The following SEC22B variants were observed in gnomAD, a reference collection of about 807,000 sequenced individuals.
SEC22B encodes the protein SEC22 homolog B, vesicle trafficking protein, also known as vesicle-trafficking protein SEC22b.
Under a neutral mutation model 31.4 loss-of-function variants are expected in SEC22B, and 10 were observed. The observed-to-expected ratio is 0.32, with a 90% CI of 0.20 to 0.54. SEC22B has a LOEUF of 0.54. Among genes scored for constraint, SEC22B ranks in the 20% least tolerant of loss-of-function variants. The pLI is 0.94. For synonymous variants in SEC22B, 60 were observed against 95.9 expected, an observed-to-expected ratio of 0.63 and a Z score of 2.19; for missense variants, 130 against 263.4, an observed-to-expected ratio of 0.49 and a Z score of 3.50.
At chr1:120,166,171 T>G (rs1439986722) in intron 2 of SEC22B, among the ~76,000 whole-genome samples, 1 of 141,686 alleles carries the variant, frequency 7.1e-6, no homozygotes, top group Non-Finnish European at 1.5e-5. Context: ...AGAGAACTTT[T>G]ATACACTATA....
intron 1 of SEC22B, among the ~76,000 whole-genome samples, chr1:120,170,911 C>A: frequency 7.6e-6 from 1 of 131,324 alleles, no homozygotes; most frequent in Admixed American, 6.9e-5. Flanking sequence ...TCTGAACCCA[C>A]AAGAGTAGAT....
At position 120,156,270 on chromosome 1, in the gene SEC22B, A is replaced by C. The variant is rs1360894815; in HGVS notation, c.*768T>G. 1 of 152,214 alleles carries C rather than the reference A, an allele frequency of 6.6e-6. No individual in the cohort carries two copies. Among genetic ancestry groups the C allele is most frequent in the African/African-American group, 2.4e-5 (1 of 41,388 alleles). 9.4% of individuals were successfully genotyped at this position (152,214 alleles called of 1,614,324 possible). A position where few individuals can be genotyped will look rare whatever the true frequency, so the allele number is the denominator to read the frequency against. On this transcript the variant is annotated 3_prime_UTR_variant, in exon 5 of 5. Transcript: ENST00000578049. ...TATACTTGCTCTTACGCTAATAACA[A>C]ACCAAATGCTGCAAAATAAAAGTAA...
In SEC22B at chr1:120,157,324, A is replaced by C. The variant is rs1262753899; in HGVS notation, c.494-132T>G. Reference sequence around the variant, plus strand: ...AATCATCATTTTTATTTTAAGGCTAACATTGCATATACTAATTAACTGATG... The same window carrying C: ...AATCATCATTTTTATTTTAAGGCTACCATTGCATATACTAATTAACTGATG... On this transcript the variant is annotated intron_variant, in intron 4 of 4. Coordinates refer to ENST00000578049, the MANE Select transcript of SEC22B (RefSeq NM_004892.6). 4 of 608,704 alleles carry C rather than the reference A, an allele frequency of 6.6e-6. No individual in the cohort carries two copies. In the Admixed American group the frequency reaches 1.5e-4, roughly 24 times the overall value. 37.7% of individuals were successfully genotyped at this position (608,704 alleles called of 1,614,324 possible).
chr1:120,166,829 G>A (rs1211940527), intron 2 of SEC22B, among the ~76,000 whole-genome samples: 56 of 144,098 alleles, frequency 3.9e-4, no homozygotes, highest in Admixed American at 3.8e-3. Context: ...TTGAGGTGAT[G>A]AATATGCTAA....
In SEC22B at chr1:120,176,361, G is replaced by T. The variant is rs2101134302; in HGVS notation, c.21C>A (p.Ile7=). 1 of 1,613,732 alleles carries T rather than the reference G, an allele frequency of 6.2e-7. No homozygotes were observed. The highest frequency in any genetic ancestry group is 8.5e-7 in the Non-Finnish European group (1 of 1,179,868). ...GCGGGAGCCCGTCCGCCACTCGGGC[G>T]ATCATTGTTAGCAACACCATCTTCA... The part of the protein sequence containing the change: MVLLTM[I]ARVADGLPLA... Residue 7 remains isoleucine, a synonymous_variant, in exon 1 of 5, where the codon ATC becomes ATA. Transcript: ENST00000578049.
At chr1:120,164,629 C>T (rs1167250297) in intron 2 of SEC22B, among the ~76,000 whole-genome samples, 2 of 152,222 alleles carry the variant, frequency 1.3e-5, no homozygotes, top group Non-Finnish European at 2.9e-5. Flanking sequence ...CATAGTATTC[C>T]ATACTGTATA....
chr1:120,159,516 T>A (rs1186096855), intron 4 of SEC22B: 1 of 148,926 alleles, frequency 6.7e-6, no homozygotes, highest in Non-Finnish European at 1.5e-5. Flanking sequence ...TATATACTTA[T>A]GTTATATGGA....
At position 120,176,299 on chromosome 1, in the gene SEC22B, C is replaced by A; in HGVS notation, c.75+8G>T. 1 of 1,608,922 alleles carries A rather than the reference C, an allele frequency of 6.2e-7. No individual in the cohort carries two copies. On this transcript the variant is annotated splice_region_variant and intron_variant, in intron 1 of 4. Transcript: ENST00000578049. The stretch of plus-strand genomic sequence containing the variant: ...CTTGGGGTCGCGGGTCGTGAGTAAG[C>A]AGCTCACCTGTTCGTCCTCCTGCAT...
intron 1 of SEC22B, among the ~76,000 whole-genome samples, chr1:120,169,291 G>A (rs1657858192): frequency 6.6e-6 from 1 of 152,092 alleles, no homozygotes; most frequent in African/African-American, 2.4e-5. Flanking sequence ...TACACAGCAT[G>A]TGCTATACTC....
At chr1:120,175,544 A>C (rs1490521883) in intron 1 of SEC22B, among the ~76,000 whole-genome samples, 1 of 152,104 alleles carries the variant, frequency 6.6e-6, no homozygotes, top group Non-Finnish European at 1.5e-5. Context: ...TTACTTCAGA[A>C]ATTTCCACTG....
chr1:120,161,020 G>T (rs1267430652), intron 3 of SEC22B, among the ~76,000 whole-genome samples: 1 of 152,166 alleles, frequency 6.6e-6, no homozygotes, highest in Non-Finnish European at 1.5e-5. Flanking sequence ...AAGATGTAAA[G>T]GTATAATTAG....
chr1:120,173,227 AT>A lies in SEC22B; in HGVS notation c.75+3079del, dbSNP rs1464290494. Among the ~76,000 whole-genome samples, 125 of 61,318 alleles carry A rather than the reference AT, an allele frequency of 2.0e-3. 1 individual carries two copies. The highest frequency in any genetic ancestry group is 2.9e-3 in the Non-Finnish European group (97 of 33,490). 40.2% of individuals were successfully genotyped at this position (61,318 alleles called of 152,430 possible). On this transcript the variant is annotated intron_variant, in intron 1 of 4. Transcript: ENST00000578049. ...GCTTTCTTGGAGCTTCCTGCTGCCT[AT>A]TTGGTGAGATCTAACACTTTCTTCA...
intron 1 of SEC22B, among the ~76,000 whole-genome samples, chr1:120,173,300 C>A: frequency 3.5e-5 from 1 of 28,300 alleles, no homozygotes; most frequent in Non-Finnish European, 6.7e-5. Context: ...AAAGAAAATA[C>A]AATAATTTTG....
intron 2 of SEC22B, among the ~76,000 whole-genome samples, chr1:120,164,167 C>T (rs1405374564): frequency 1.4e-5 from 2 of 146,918 alleles, no homozygotes; most frequent in East Asian, 3.9e-4. Flanking sequence ...ACCATTTTGG[C>T]CAGGCTGGTC....
chr1:120,162,909 G>C lies in SEC22B; in HGVS notation c.346+301C>G, dbSNP rs1361682416. Among the ~76,000 whole-genome samples the C allele has an allele frequency of 1.5e-3, 232 of 152,208 alleles. 1 individual carries two copies. The Middle Eastern group carries it at 0.017, about 11-fold the overall frequency. ...TCAGCCATTATATGCCAATCAAGTAGATCTTTAGGCACAGTTCCTGTCACA... is the reference window on the plus strand; with the variant it reads ...TCAGCCATTATATGCCAATCAAGTACATCTTTAGGCACAGTTCCTGTCACA... On this transcript the variant is annotated intron_variant, in intron 3 of 4. Coordinates refer to ENST00000578049, the MANE Select transcript of SEC22B (RefSeq NM_004892.6).
At chr1:120,167,447 T>C (rs1199921222) in intron 2 of SEC22B, among the ~76,000 whole-genome samples, 1 of 152,042 alleles carries the variant, frequency 6.6e-6, no homozygotes, top group Non-Finnish European at 1.5e-5. Flanking sequence ...CCTGTTCATT[T>C]TCATATGTTC....
chr1:120,165,291 C>G (rs1657789019), intron 2 of SEC22B, among the ~76,000 whole-genome samples: 2 of 152,160 alleles, frequency 1.3e-5, no homozygotes, highest in South Asian at 4.1e-4. Context: ...GGGTACAAGA[C>G]TAATAAGACT....
At chr1:120,173,149 C>T (rs1657916751) in intron 1 of SEC22B, among the ~76,000 whole-genome samples, 1 of 96,514 alleles carries the variant, frequency 1.0e-5, no homozygotes, top group South Asian at 4.8e-4. Context: ...ATTAATCAAC[C>T]CTCAGTGATT....
rs1657696760 is a variant in SEC22B, at chr1:120,160,399, C to T, written c.478G>A (p.Gly160Arg). Residue 160 changes from glycine to arginine, a missense_variant, in exon 4 of 5, where the codon GGA becomes AGA. Around this residue, in one of 4 missense-constraint regions of SEC22B, gnomAD observed 53 missense variants for 63.3 expected, o/e 0.84. Coordinates refer to ENST00000578049, the MANE Select transcript of SEC22B (RefSeq NM_004892.6). ...VANIEEVLQR[G>R]EALSALDSKA... ...TTTTAGATACCTGAGAGTGCTTCTC[C>T]TCGTTGTAACACTTCTTCAATATTG... The T allele has an allele frequency of 8.7e-6, 14 of 1,611,104 alleles. No individual in the cohort carries two copies. Among genetic ancestry groups the T allele is most frequent in the South Asian group, 1.1e-5 (1 of 90,410 alleles).
Sources: gnomAD v4.1 joint callset for allele counts (sites outside exome capture counted in the v4.1 genomes callset) on GRCh38, gnomAD v4.1.1 for gene constraint, gnomAD v4.1.1 regional missense constraint, MANE v1.5 for transcripts, NCBI Gene and HGNC (gene_info 2026-07-23, HGNC 2026-07-21) for gene names.